The following ABCD3 variants were observed in gnomAD, a reference collection of about 807,000 sequenced individuals.
ABCD3 encodes the protein ATP binding cassette subfamily D member 3, also known as ATP-binding cassette sub-family D member 3.
Under a neutral mutation model 105.5 loss-of-function variants are expected in ABCD3, and 41 were observed. The observed-to-expected ratio is 0.39, with a 90% CI of 0.30 to 0.50. ABCD3 has a LOEUF of 0.50. ABCD3 is among the 20% of genes least tolerant of loss of function. The pLI is 0.84. For synonymous variants in ABCD3, 258 were observed against 269.0 expected, an observed-to-expected ratio of 0.96 and a Z score of 0.40; for missense variants, 622 against 806.3, an observed-to-expected ratio of 0.77 and a Z score of 2.77.
chr1:94,429,992 A>G (rs1250763425), intron 1 of ABCD3, among the ~76,000 whole-genome samples: 2 of 152,234 alleles, frequency 1.3e-5, no homozygotes. Flanking sequence ...TGTACCCTGC[A>G]AAGCCACAGG....
intron 10 of ABCD3, among the ~76,000 whole-genome samples, chr1:94,487,248 A>G (rs1422213065): frequency 2.6e-5 from 4 of 152,224 alleles, no homozygotes; most frequent in Non-Finnish European, 5.9e-5. Flanking sequence ...CATGGTGACT[A>G]CAATAGCATT....
the ABCD3 span, among the ~76,000 whole-genome samples, chr1:94,405,518 G>A: frequency 6.6e-6 from 1 of 152,042 alleles, no homozygotes; most frequent in Non-Finnish European, 1.5e-5. Flanking sequence ...TGGTCAGGCT[G>A]GTCTTGAACT....
intron 1 of ABCD3, among the ~76,000 whole-genome samples, chr1:94,422,487 A>G (rs1432069224): frequency 6.6e-6 from 1 of 152,204 alleles, no homozygotes; most frequent in Non-Finnish European, 1.5e-5. Flanking sequence ...CCTGGTGCCA[A>G]AAAGGTTGGA....
At chr1:94,425,678 G>C (rs1659441107) in intron 1 of ABCD3, among the ~76,000 whole-genome samples, 1 of 152,152 alleles carries the variant, frequency 6.6e-6, no homozygotes, top group Admixed American at 6.5e-5. Context: ...ATGAATGAAT[G>C]CTGACTTAAT....
chr1:94,478,197 G>GTTATC (rs1482484852), intron 7 of ABCD3, 62 bp from the exon 8 acceptor site: 5 of 976,928 alleles, frequency 5.1e-6, no homozygotes, highest in Non-Finnish European at 6.5e-6. Context: ...TTAACATGTT[G>GTTATC]TATTAGCTAT....
At chr1:94,483,517 A>C (rs113399310) in intron 10 of ABCD3, among the ~76,000 whole-genome samples, 1 of 152,202 alleles carries the variant, frequency 6.6e-6, no homozygotes, top group Non-Finnish European at 1.5e-5. Flanking sequence ...ATCTTTGACA[A>C]ACCTGACAAA....
chr1:94,404,525 T>C, the ABCD3 span, among the ~76,000 whole-genome samples: 1 of 152,210 alleles, frequency 6.6e-6, no homozygotes, highest in Admixed American at 6.5e-5. Flanking sequence ...TTTTCCTTCT[T>C]ATTCTTATTC....
intron 16 of ABCD3, among the ~76,000 whole-genome samples, chr1:94,493,948 GT>G (rs1401583942): frequency 3.3e-5 from 5 of 151,966 alleles, no homozygotes; most frequent in African/African-American, 7.3e-5. Flanking sequence ...CTGTTGTGGG[GT>G]GGGGTCCTGG....
intron 20 of ABCD3, among the ~76,000 whole-genome samples, chr1:94,503,224 G>A (rs569629719): frequency 6.6e-6 from 1 of 152,248 alleles, no homozygotes; most frequent in South Asian, 2.1e-4. Flanking sequence ...TAGTGGGAGC[G>A]AGAGAGACAC....
At position 94,517,196 on chromosome 1, in the gene ABCD3, C is replaced by T; in HGVS notation, c.*67C>T. The T allele has an allele frequency of 1.7e-6, 2 of 1,167,208 alleles. No homozygotes were observed. Among genetic ancestry groups the T allele is most frequent in the South Asian group, 1.3e-5 (1 of 79,452 alleles). 72.3% of individuals were successfully genotyped at this position (1,167,208 alleles called of 1,614,324 possible). A position where few individuals can be genotyped will look rare whatever the true frequency, so the allele number is the denominator to read the frequency against. On this transcript the variant is annotated 3_prime_UTR_variant, in exon 23 of 23. Coordinates refer to ENST00000370214, the MANE Select transcript of ABCD3 (RefSeq NM_002858.4). ...AGAATATACTTAGAAAGGCAAAGTACATTGTAAAATAAAGTTGAGCTTAGT... is the reference window on the plus strand; with the variant it reads ...AGAATATACTTAGAAAGGCAAAGTATATTGTAAAATAAAGTTGAGCTTAGT...
the ABCD3 span, among the ~76,000 whole-genome samples, chr1:94,391,987 G>A: frequency 6.6e-6 from 1 of 152,174 alleles, no homozygotes; most frequent in Non-Finnish European, 1.5e-5. Flanking sequence ...GTTGCAAAGG[G>A]AGTGGCCTTT....
intron 1 of ABCD3, among the ~76,000 whole-genome samples, chr1:94,427,051 A>G (rs1198371744): frequency 6.6e-6 from 1 of 152,090 alleles, no homozygotes; most frequent in Non-Finnish European, 1.5e-5. Context: ...TAATCTTTCT[A>G]TTAATTGACA....
the ABCD3 span, among the ~76,000 whole-genome samples, chr1:94,386,979 G>T: frequency 6.6e-6 from 1 of 152,106 alleles, no homozygotes; most frequent in African/African-American, 2.4e-5. Flanking sequence ...TGATTATTTG[G>T]AGCTGCTATA....
chr1:94,498,755 G>T (rs760798364), intron 17 of ABCD3, 28 bp from the exon 18 acceptor site: 38 of 1,613,172 alleles, frequency 2.4e-5, no homozygotes, highest in Non-Finnish European at 3.1e-5. Context: ...TTTTACAATT[G>T]TTCTTCTCCC....
At chr1:94,445,148 T>C (rs907812016) in intron 1 of ABCD3, among the ~76,000 whole-genome samples, 4 of 152,218 alleles carry the variant, frequency 2.6e-5, no homozygotes, top group Non-Finnish European at 2.9e-5. Context: ...TATCAATAAA[T>C]ATGTGGGTAA....
chr1:94,480,452 C>G lies in ABCD3; in HGVS notation c.685-12C>G. On this transcript the variant is annotated splice_polypyrimidine_tract_variant and intron_variant, in intron 8 of 22. Coordinates refer to ENST00000370214, the MANE Select transcript of ABCD3 (RefSeq NM_002858.4). ...CAGAACTTTGTGTATCTTTCTCTCCCAATAATAATAGGGCCCAGCGAGCAT... is the reference window on the plus strand; with the variant it reads ...CAGAACTTTGTGTATCTTTCTCTCCGAATAATAATAGGGCCCAGCGAGCAT... 1 of 1,613,554 alleles carries G rather than the reference C, an allele frequency of 6.2e-7. No homozygotes were observed. The highest frequency in any genetic ancestry group is 8.5e-7 in the Non-Finnish European group (1 of 1,179,686).
chr1:94,427,923 A>C (rs1421657091), intron 1 of ABCD3, among the ~76,000 whole-genome samples: 2 of 152,206 alleles, frequency 1.3e-5, no homozygotes, highest in Non-Finnish European at 2.9e-5. Flanking sequence ...CTTTTGTTTT[A>C]GGCATCTCTG....
intron 21 of ABCD3, among the ~76,000 whole-genome samples, chr1:94,507,267 T>G (rs1650411955): frequency 6.6e-6 from 1 of 152,158 alleles, no homozygotes. Flanking sequence ...TGCGAAAGTT[T>G]ACTGAGAATG....
At chr1:94,433,628 GT>G (rs33917832) in intron 1 of ABCD3, among the ~76,000 whole-genome samples, 283 of 136,116 alleles carry the variant, frequency 2.1e-3, no homozygotes, top group African/African-American at 3.6e-3. Context: ...ACAATGGTCA[GT>G]TTTTTTTTTT....
Sources: gnomAD v4.1 joint callset for allele counts (sites outside exome capture counted in the v4.1 genomes callset) on GRCh38, gnomAD v4.1.1 for gene constraint, MANE v1.5 for transcripts, NCBI Gene and HGNC (gene_info 2026-07-23, HGNC 2026-07-21) for gene names.